The following TMEM184B variants were observed in gnomAD, a reference collection of about 807,000 sequenced individuals.
TMEM184B encodes transmembrane protein 184B, also known as putative MAPK-activating protein FM08.
TMEM184B carries 17 observed loss-of-function variants against 41.8 expected under a neutral mutation model. That is an observed-to-expected ratio of 0.41 (90% CI 0.28 to 0.61). TMEM184B has a LOEUF of 0.61. Among genes scored for constraint, TMEM184B ranks in the 20% least tolerant of loss-of-function variants. The pLI, the probability that TMEM184B is intolerant of heterozygous loss-of-function variation, is 0.34. For synonymous variants in TMEM184B, 240 were observed against 229.5 expected (o/e 1.05, Z -0.41); for missense variants, 393 against 557.8 (o/e 0.70, Z 2.98).
chr22:38,230,296 G>A (rs1433429358), intron 5 of TMEM184B, among the ~76,000 whole-genome samples: 2 of 152,244 alleles, frequency 1.3e-5, no homozygotes, highest in Admixed American at 6.5e-5. Flanking sequence ...GCCTGTTCTG[G>A]CGTGTGTCTT....
At chr22:38,262,038 A>G (rs1006302493) in intron 1 of TMEM184B, among the ~76,000 whole-genome samples, 1 of 152,276 alleles carries the variant, frequency 6.6e-6, no homozygotes, top group African/African-American at 2.4e-5. Flanking sequence ...CCACAGGAGA[A>G]TGAATAAATA....
chr22:38,245,888 G>GGCCC, intron 3 of TMEM184B, 47 bp downstream of exon 3: 2 of 545,870 alleles, frequency 3.7e-6, no homozygotes, highest in Non-Finnish European at 6.7e-6. Flanking sequence ...GGGGCTCCCA[G>GGCCC]CCCCCCAGCC....
chr22:38,222,307 G>A (rs1468833631), intron 8 of TMEM184B: 1 of 154,060 alleles, frequency 6.5e-6, no homozygotes, highest in Non-Finnish European at 1.4e-5. Flanking sequence ...GGTGGCCCAG[G>A]ACACCTGGAT....
rs995662367 is a variant in TMEM184B, at chr22:38,226,676, G to A, written c.617+103C>T. 6.9e-6 allele frequency: 8 copies of A among 1,158,966 alleles called. No individual in the cohort carries two copies. Among genetic ancestry groups the A allele is most frequent in the Non-Finnish European group, 9.9e-6 (8 of 807,410 alleles). The allele number at this position is 1,158,966 out of a possible 1,614,324, so 71.8% of individuals were successfully genotyped here. A position where few individuals can be genotyped will look rare whatever the true frequency, so the allele number is the denominator to read the frequency against. On this transcript the variant is annotated intron_variant, in intron 6 of 8. Transcript: ENST00000361906. This position sits in a 1 kb window ranked among gnomAD's most constrained non-coding sequence, Gnocchi z 4.6. ...GTTGTGAGCACCAGACACCCAGGAAGGTCATGGCTGTGCGGCCACTCTGGC... is the reference window on the plus strand; with the variant it reads ...GTTGTGAGCACCAGACACCCAGGAAAGTCATGGCTGTGCGGCCACTCTGGC...
At chr22:38,221,801 AC>A (rs1172887882) in intron 8 of TMEM184B, 91 bp from the exon 9 acceptor site, 18 of 1,523,328 alleles carry the variant, frequency 1.2e-5, no homozygotes, top group East Asian at 2.3e-5. Flanking sequence ...TGGGACAGAC[AC>A]CCCCCAACCC....
intron 5 of TMEM184B, among the ~76,000 whole-genome samples, chr22:38,229,102 G>A (rs1320965676): frequency 6.6e-6 from 1 of 152,264 alleles, no homozygotes; most frequent in East Asian, 1.9e-4. Flanking sequence ...GAGGCTTTGT[G>A]GGTGTGCCCG....
intron 1 of TMEM184B, among the ~76,000 whole-genome samples, chr22:38,267,427 C>T (rs1165961885): frequency 6.6e-6 from 1 of 151,854 alleles, no homozygotes; most frequent in Non-Finnish European, 1.5e-5. Flanking sequence ...TCCAACCACC[C>T]CTAATATCTT....
Position 38,226,228 on chromosome 22 carries a change from C to T in TMEM184B, c.617+551G>A, listed in dbSNP as rs751068108. 3.3e-5 allele frequency among the ~76,000 whole-genome samples: 5 copies of T among 151,766 alleles called. No individual in the cohort carries two copies. The highest frequency in any genetic ancestry group is 5.9e-5 in the Non-Finnish European group (4 of 67,922). ...CCGAGTAGCTGGGATTATAGGCACC[C>T]GTCACCACGCCCGGTTAATTTTTTG... is the stretch of plus-strand genomic sequence containing the variant. On this transcript the variant is annotated intron_variant, in intron 6 of 8. Coordinates refer to ENST00000361906, the MANE Select transcript of TMEM184B (RefSeq NM_012264.5). This position sits in a 1 kb window ranked among gnomAD's most constrained non-coding sequence, Gnocchi z 4.6.
intron 1 of TMEM184B, among the ~76,000 whole-genome samples, chr22:38,251,810 T>C (rs1004656150): frequency 6.6e-6 from 1 of 152,064 alleles, no homozygotes; most frequent in African/African-American, 2.4e-5. Context: ...GCTCCATCCA[T>C]GTCTCCCCTT....
At chr22:38,231,435 G>GGCTCT in intron 3 of TMEM184B, 101 bp from the exon 4 acceptor site, 1 of 972,736 alleles carries the variant, frequency 1.0e-6, no homozygotes, top group Non-Finnish European at 1.7e-6. Flanking sequence ...CCACAGCTGT[G>GGCTCT]TGTGGCAACA....
intron 1 of TMEM184B, among the ~76,000 whole-genome samples, chr22:38,271,732 G>C (rs779257865): frequency 1.1e-4 from 17 of 152,176 alleles, no homozygotes; most frequent in Non-Finnish European, 2.2e-4. Context: ...TGTCCAGGTG[G>C]GCACACATAC....
chr22:38,230,882 C>A, intron 4 of TMEM184B, 138 bp from the exon 5 acceptor site: 1 of 818,686 alleles, frequency 1.2e-6, no homozygotes, highest in Non-Finnish European at 2.0e-6. Flanking sequence ...AACCCGAGGC[C>A]AAGCACAGGG....
intron 3 of TMEM184B, among the ~76,000 whole-genome samples, chr22:38,237,608 C>T (rs1366195734): frequency 6.6e-6 from 1 of 152,232 alleles, no homozygotes; most frequent in Non-Finnish European, 1.5e-5. Flanking sequence ...ATTTTGCCCA[C>T]TTTGGGCAGA....
intron 1 of TMEM184B, among the ~76,000 whole-genome samples, chr22:38,258,514 G>A (rs142554522): frequency 6.6e-5 from 10 of 151,948 alleles, no homozygotes; most frequent in Non-Finnish European, 1.5e-4. Context: ...TGGCCAGGCT[G>A]GTCTCGAACT....
At chr22:38,252,340 C>T (rs1602460423) in intron 1 of TMEM184B, among the ~76,000 whole-genome samples, 1 of 152,170 alleles carries the variant, frequency 6.6e-6, no homozygotes, top group Non-Finnish European at 1.5e-5. Context: ...GGATTACAGG[C>T]GAGAGCCACC....
At chr22:38,236,037 C>T (rs2091765337) in intron 3 of TMEM184B, among the ~76,000 whole-genome samples, 1 of 152,194 alleles carries the variant, frequency 6.6e-6, no homozygotes, top group Admixed American at 6.5e-5. Flanking sequence ...GACCAAGGAG[C>T]CCTCAGGCCA....
chr22:38,248,989 G>A (rs991284197), intron 1 of TMEM184B, among the ~76,000 whole-genome samples: 1 of 151,994 alleles, frequency 6.6e-6, no homozygotes, highest in African/African-American at 2.4e-5. Context: ...CAGCCCATGT[G>A]CCACCCCTCC....
rs150494646 is a variant in TMEM184B, at chr22:38,259,725, T to C, written c.-58-11706A>G. 1.4e-3 allele frequency among the ~76,000 whole-genome samples: 209 copies of C among 152,348 alleles called. 1 individual carries two copies. Among genetic ancestry groups the C allele is most frequent in the African/African-American group, 4.7e-3 (197 of 41,590 alleles). ...ACCTCCAAAACTGTGAGATAATTAA[T>C]GTGTGCGCATGCATTTTATTGGTTT... is the stretch of plus-strand genomic sequence containing the variant. On this transcript the variant is annotated intron_variant, in intron 1 of 8. Coordinates refer to ENST00000361906, the MANE Select transcript of TMEM184B (RefSeq NM_012264.5).
At chr22:38,232,883 C>T (rs771294382) in intron 3 of TMEM184B, among the ~76,000 whole-genome samples, 1 of 152,242 alleles carries the variant, frequency 6.6e-6, no homozygotes, top group African/African-American at 2.4e-5. Flanking sequence ...CTCTCAGGAT[C>T]CATCAACCCC....
Sources: allele counts gnomAD v4.1 joint callset (sites outside exome capture counted in the v4.1 genomes callset), GRCh38; gene constraint gnomAD v4.1.1; non-coding constraint Gnocchi (gnomAD v3.1); transcripts MANE v1.5; gene names NCBI Gene and HGNC (gene_info 2026-07-23, HGNC 2026-07-21).